Variants in ZNRF2 observed in about 807,000 individuals in gnomAD.
The protein encoded by ZNRF2 is zinc and ring finger 2.
In ZNRF2, 16 loss-of-function variants were observed where a neutral mutation model predicts 20.4. The ratio of observed to expected loss-of-function variants is 0.79; its 90% CI spans 0.53 to 1.19. The LOEUF is 1.19. Among genes scored for constraint, ZNRF2 ranks in the 50% most tolerant of loss-of-function variants. The pLI is 0.00. For synonymous variants in ZNRF2, 178 were observed against 144.9 expected (o/e 1.23, Z -1.64); for missense variants, 363 against 332.4 (o/e 1.09, Z -0.72).
chr7:30,314,458 T>G (rs1328764371), intron 1 of ZNRF2, among the ~76,000 whole-genome samples: 1 of 152,136 alleles, frequency 6.6e-6, no homozygotes, highest in African/African-American at 2.4e-5. Context: ...TAAAATGATC[T>G]AGACAGTAAA....
intron 3 of ZNRF2, among the ~76,000 whole-genome samples, chr7:30,361,469 A>T (rs900681981): frequency 2.0e-5 from 3 of 152,226 alleles, no homozygotes; most frequent in African/African-American, 7.2e-5. Context: ...TTTGCGGCAT[A>T]TGCAAATTTG....
chr7:30,334,206 G>A (rs1040929294), intron 2 of ZNRF2, among the ~76,000 whole-genome samples: 2 of 152,056 alleles, frequency 1.3e-5, no homozygotes, highest in Admixed American at 1.3e-4. Flanking sequence ...TCATTCTTCT[G>A]CATATGGCTA....
chr7:30,295,863 C>T (rs561834602), intron 1 of ZNRF2, among the ~76,000 whole-genome samples: 2 of 152,316 alleles, frequency 1.3e-5, no homozygotes, highest in East Asian at 1.9e-4. Flanking sequence ...GTCTCACCCT[C>T]CTCAGAAAGA....
At chr7:30,319,289 G>T (rs780418658) in intron 1 of ZNRF2, among the ~76,000 whole-genome samples, 1 of 152,142 alleles carries the variant, frequency 6.6e-6, no homozygotes, top group Non-Finnish European at 1.5e-5. Flanking sequence ...TCTGAAAAGT[G>T]TAGAGGGGAA....
chr7:30,345,447 G>C (rs895476833), intron 2 of ZNRF2, among the ~76,000 whole-genome samples: 2 of 151,686 alleles, frequency 1.3e-5, no homozygotes, highest in Non-Finnish European at 2.9e-5. Context: ...ATTTATTGAG[G>C]CTAGATAGTG....
intron 1 of ZNRF2, among the ~76,000 whole-genome samples, chr7:30,322,556 C>T (rs1340464810): frequency 6.6e-6 from 1 of 152,134 alleles, no homozygotes; most frequent in Admixed American, 6.6e-5. Context: ...TCAGCTTACA[C>T]CTGAGCCGTC....
At position 30,298,782 on chromosome 7, in the gene ZNRF2, C is replaced by T. The variant is rs4000222; in HGVS notation, c.469+12956C>T. On this transcript the variant is annotated intron_variant, in intron 1 of 4. Coordinates refer to ENST00000323037, the MANE Select transcript of ZNRF2 (RefSeq NM_147128.4). The stretch of plus-strand genomic sequence containing the variant: ...AGGACAACTAGGAGATCTCACAGCT[C>T]CTTACGCAGACTGGCGATGAATCTT... 4.0e-5 allele frequency among the ~76,000 whole-genome samples: 6 copies of T among 151,858 alleles called. No individual in the cohort carries two copies. In the South Asian group the frequency reaches 6.3e-4, roughly 16 times the overall value.
intron 2 of ZNRF2, among the ~76,000 whole-genome samples, chr7:30,332,566 T>C (rs931689723): frequency 6.6e-6 from 1 of 152,180 alleles, no homozygotes; most frequent in African/African-American, 2.4e-5. Flanking sequence ...GTTGTTTCTA[T>C]CTTTATGTCT....
intron 2 of ZNRF2, among the ~76,000 whole-genome samples, chr7:30,328,606 A>T (rs1000592219): frequency 6.6e-6 from 1 of 152,224 alleles, no homozygotes; most frequent in African/African-American, 2.4e-5. Context: ...TTCAAATATA[A>T]GTTGATGATT....
At chr7:30,339,333 G>GT (rs1781841162) in intron 2 of ZNRF2, among the ~76,000 whole-genome samples, 1 of 152,116 alleles carries the variant, frequency 6.6e-6, no homozygotes, top group African/African-American at 2.4e-5. Context: ...TAGTCATGAA[G>GT]TTTTTGCCCA....
At chr7:30,365,548 CTGTT>C (rs1434975077) in intron 4 of ZNRF2, among the ~76,000 whole-genome samples, 1 of 152,068 alleles carries the variant, frequency 6.6e-6, no homozygotes, top group Non-Finnish European at 1.5e-5. Context: ...TCTGTCCTGA[CTGTT>C]CTTATTTATC....
At chr7:30,310,876 T>C (rs961410964) in intron 1 of ZNRF2, among the ~76,000 whole-genome samples, 1 of 152,034 alleles carries the variant, frequency 6.6e-6, no homozygotes, top group Non-Finnish European at 1.5e-5. Flanking sequence ...TGTCCTGTCC[T>C]GTCCTGTCTT....
In ZNRF2 at chr7:30,316,837, A is replaced by T. The variant is rs1300313438; in HGVS notation, c.470-6805A>T. Among the ~76,000 whole-genome samples the T allele has an allele frequency of 3.3e-5, 5 of 152,222 alleles. No individual in the cohort carries two copies. The East Asian group carries it at 9.6e-4, about 29-fold the overall frequency. On this transcript the variant is annotated intron_variant, in intron 1 of 4. Transcript: ENST00000323037. Reference sequence around the variant, plus strand: ...TTAGTTAGCTTGCATTTTCTGGGAAATTTTTCATAACAGATAATTCTGTAT... The same window carrying T: ...TTAGTTAGCTTGCATTTTCTGGGAATTTTTTCATAACAGATAATTCTGTAT...
chr7:30,302,521 G>A (rs1164072358), intron 1 of ZNRF2, among the ~76,000 whole-genome samples: 1 of 151,254 alleles, frequency 6.6e-6, no homozygotes, highest in Admixed American at 6.6e-5. Flanking sequence ...AAATGATTAT[G>A]ATATAAATTA....
intron 1 of ZNRF2, among the ~76,000 whole-genome samples, chr7:30,288,030 A>G (rs562419522): frequency 5.9e-5 from 9 of 152,206 alleles, no homozygotes; most frequent in Non-Finnish European, 1.2e-4. Flanking sequence ...ATTTACGTAA[A>G]AACCCATCTT....
intron 1 of ZNRF2, among the ~76,000 whole-genome samples, chr7:30,298,929 T>A (rs4000225): frequency 1.2e-4 from 18 of 152,254 alleles, no homozygotes; most frequent in Admixed American, 9.2e-4. Flanking sequence ...ATTATTATTC[T>A]TTAATTTTCT....
intron 1 of ZNRF2, among the ~76,000 whole-genome samples, chr7:30,310,612 T>G (rs1490583282): frequency 2.0e-5 from 3 of 152,180 alleles, no homozygotes; most frequent in African/African-American, 7.2e-5. Flanking sequence ...TTTAAAAAAT[T>G]TTTATTCAGC....
At position 30,317,038 on chromosome 7, in the gene ZNRF2, G is replaced by C. The variant is rs1583578073; in HGVS notation, c.470-6604G>C. Among the ~76,000 whole-genome samples the C allele has an allele frequency of 2.0e-5, 3 of 151,680 alleles. No homozygotes were observed. In the South Asian group the frequency reaches 6.2e-4, roughly 32 times the overall value. On this transcript the variant is annotated intron_variant, in intron 1 of 4. Transcript: ENST00000323037. ...GCATGTTTAAAACAATTTTACCTTT[G>C]AACGGAATTTGAAAAAAAATGCAGT...
intron 1 of ZNRF2, among the ~76,000 whole-genome samples, chr7:30,287,912 G>A (rs1322416378): frequency 6.6e-6 from 1 of 152,192 alleles, no homozygotes; most frequent in African/African-American, 2.4e-5. Flanking sequence ...AACCTCAGTT[G>A]AGAATTGCTG....
Sources: allele counts gnomAD v4.1 joint callset (sites outside exome capture counted in the v4.1 genomes callset), GRCh38; gene constraint gnomAD v4.1.1; transcripts MANE v1.5; gene names NCBI Gene and HGNC (gene_info 2026-07-23, HGNC 2026-07-21).